The following DNMBP variants were observed in gnomAD, a reference collection of about 807,000 sequenced individuals.
DNMBP encodes the protein dynamin-binding protein.
A neutral mutation model predicts 150.0 loss-of-function variants in DNMBP; 87 were observed. The observed-to-expected ratio is 0.58, with a 90% CI of 0.49 to 0.69. The LOEUF (loss-of-function observed/expected upper bound fraction) is 0.69. DNMBP is among the 30% of genes least tolerant of loss of function. The pLI is 0.00. For synonymous variants in DNMBP, 711 were observed against 750.4 expected, an observed-to-expected ratio of 0.95 and a Z score of 0.86; for missense variants, 1,774 against 1,949.0, an observed-to-expected ratio of 0.91 and a Z score of 1.69.
Position 99,956,319 on chromosome 10 carries a change from C to T in DNMBP, c.1155G>A (p.Pro385=), listed in dbSNP as rs61751505. The T allele has an allele frequency of 1.1e-3, 1,782 of 1,613,872 alleles. 4 individuals are homozygous for T. Among genetic ancestry groups the T allele is most frequent in the Middle Eastern group, 2.5e-3 (15 of 6,058 alleles). ...YQDEDTAGGP[P]RSPGVEWEMP... is the part of the protein sequence containing the mutation. ...TTTCCCACTCCACGCCTGGGCTTCTCGGGGGCCCTCCTGCGGTGTCCTCGT... is the reference window on the plus strand; with the variant it reads ...TTTCCCACTCCACGCCTGGGCTTCTTGGGGGCCCTCCTGCGGTGTCCTCGT... Residue 385 remains proline, a synonymous_variant, in exon 4 of 17, where the codon CCG becomes CCA. Coordinates refer to ENST00000324109, the MANE Select transcript of DNMBP (RefSeq NM_015221.4).
chr10:99,968,471 G>C (rs2040642583), intron 3 of DNMBP, among the ~76,000 whole-genome samples: 1 of 152,096 alleles, frequency 6.6e-6, no homozygotes, highest in Non-Finnish European at 1.5e-5. Flanking sequence ...CAGATTGTTT[G>C]AGCCTAGGAG....
At chr10:99,998,295 C>T (rs1239018497) in intron 1 of DNMBP, among the ~76,000 whole-genome samples, 7 of 149,404 alleles carry the variant, frequency 4.7e-5, no homozygotes, top group African/African-American at 7.4e-5. Context: ...AACACATTAA[C>T]GGCCGGGCGC....
chr10:99,903,430 T>C (rs868799216), intron 6 of DNMBP, among the ~76,000 whole-genome samples: 3 of 151,994 alleles, frequency 2.0e-5, no homozygotes, highest in East Asian at 3.9e-4. Context: ...CCTCCTGAGC[T>C]CAAGCAATTC....
rs114927649 is a variant in DNMBP at position 99,908,090 on chromosome 10, G to A, written c.2459C>T (p.Pro820Leu). 3.1e-3 allele frequency: 4,917 copies of A among 1,610,134 alleles called. 26 individuals are homozygous for A. Among genetic ancestry groups the A allele is most frequent in the South Asian group, 0.013 (1,193 of 90,938 alleles). ...IMVPMQQAQV[P>L]NIDFEGLFGN... ...AAAAAGTCCCTCAAAATCAATGTTT[G>A]GTACCTGAGAAAAGGAAACAAAACA... Residue 820 changes from proline to leucine, a missense_variant, in exon 6 of 17, where the codon CCA becomes CTA. Pro to Leu is a moderately conservative substitution (Grantham distance 98). This residue lies in a region of DNMBP where 1,430 missense variants were observed against 1,492.5 expected (regional missense o/e 0.96). Transcript: ENST00000324109.
At chr10:100,002,425 G>A (rs1268808372) in intron 1 of DNMBP, among the ~76,000 whole-genome samples, 6 of 152,164 alleles carry the variant, frequency 3.9e-5, no homozygotes, top group African/African-American at 1.4e-4. Context: ...CTACTGACGA[G>A]CCACCTCAAT....
chr10:99,938,154 T>C (rs141484864), intron 4 of DNMBP, among the ~76,000 whole-genome samples: 5 of 152,284 alleles, frequency 3.3e-5, no homozygotes, highest in East Asian at 3.9e-4. Flanking sequence ...CTTGATATCT[T>C]TGATAAAGCT....
chr10:99,897,972 C>A, intron 9 of DNMBP, 114 bp downstream of exon 9: 1 of 793,042 alleles, frequency 1.3e-6, no homozygotes. Flanking sequence ...TTCATCACAG[C>A]CCTATTATAC....
intron 4 of DNMBP, among the ~76,000 whole-genome samples, chr10:99,921,890 A>G (rs983299821): frequency 1.3e-5 from 2 of 148,406 alleles, no homozygotes; most frequent in East Asian, 2.0e-4. Flanking sequence ...AAAAAAAAAA[A>G]GCAGCAACTA....
At chr10:99,990,854 T>TATATATATACACACACACACACAC (rs2040882558) in intron 1 of DNMBP, among the ~76,000 whole-genome samples, 1 of 11,592 alleles carries the variant, frequency 8.6e-5, no homozygotes, top group Non-Finnish European at 5.1e-4. Context: ...CACACACACA[T>TATATATATACACACACACACACAC]ATATATATAT....
At chr10:99,996,477 A>G (rs2040952753) in intron 1 of DNMBP, among the ~76,000 whole-genome samples, 1 of 152,302 alleles carries the variant, frequency 6.6e-6, no homozygotes, top group South Asian at 2.1e-4. Context: ...CCGAAATCGC[A>G]CCACTGCAAT....
At chr10:99,933,991 G>A (rs1007851922) in intron 4 of DNMBP, among the ~76,000 whole-genome samples, 3 of 152,264 alleles carry the variant, frequency 2.0e-5, no homozygotes, top group Non-Finnish European at 2.9e-5. Context: ...CTGCCTCGGC[G>A]TCCCAAAGTG....
In DNMBP at chr10:99,962,995, CAT is replaced by C. The variant is rs543835980; in HGVS notation, c.269-5792_269-5791del. 7.9e-4 allele frequency among the ~76,000 whole-genome samples: 120 copies of C among 152,318 alleles called. 3 individuals carry two copies. The South Asian group carries it at 0.022, about 28-fold the overall frequency. On this transcript the variant is annotated intron_variant, in intron 3 of 16. Transcript: ENST00000324109. ...CACAGTAAAGGTGAATCTTGAAAAA[CAT>C]ACACAATTTAGAACCTGGAAAGTAC...
chr10:99,907,651 C>T (rs1201290561), intron 6 of DNMBP, among the ~76,000 whole-genome samples: 1 of 152,104 alleles, frequency 6.6e-6, no homozygotes, highest in Non-Finnish European at 1.5e-5. Context: ...TTGCCATGGC[C>T]TCCCAAAGTG....
intron 3 of DNMBP, among the ~76,000 whole-genome samples, chr10:99,968,132 T>A (rs1221000257): frequency 6.6e-6 from 1 of 152,102 alleles, no homozygotes; most frequent in Non-Finnish European, 1.5e-5. Context: ...GCCTCCTGAG[T>A]TGTTAGGACT....
intron 1 of DNMBP, among the ~76,000 whole-genome samples, chr10:99,972,760 A>AC (rs1247035041): frequency 3.9e-5 from 6 of 152,084 alleles, no homozygotes; most frequent in Non-Finnish European, 1.5e-5. Context: ...ACAGGCGCAC[A>AC]CCACTGTGCC....
chr10:99,939,477 A>G (rs2040270346), intron 4 of DNMBP, among the ~76,000 whole-genome samples: 1 of 152,272 alleles, frequency 6.6e-6, no homozygotes, highest in South Asian at 2.1e-4. Context: ...GAAAATTACA[A>G]CAATGAAAGA....
At chr10:99,893,035 T>C (rs967948869) in intron 11 of DNMBP, among the ~76,000 whole-genome samples, 3 of 152,198 alleles carry the variant, frequency 2.0e-5, no homozygotes, top group Non-Finnish European at 4.4e-5. Context: ...AAAAATATAA[T>C]GATATAGACA....
chr10:99,914,177 TG>T (rs1320350738), intron 4 of DNMBP: 2 of 1,230,660 alleles, frequency 1.6e-6, no homozygotes, highest in Non-Finnish European at 2.1e-6. Flanking sequence ...CTAAGCGTAC[TG>T]GACTGAGAAG....
At chr10:99,994,627 T>C (rs772663800) in intron 1 of DNMBP, among the ~76,000 whole-genome samples, 5 of 152,160 alleles carry the variant, frequency 3.3e-5, no homozygotes, top group Non-Finnish European at 7.4e-5. Flanking sequence ...CCCACAAGGA[T>C]TTGGCAGAAG....
Sources: allele counts gnomAD v4.1 joint callset (sites outside exome capture counted in the v4.1 genomes callset), GRCh38; gene constraint gnomAD v4.1.1; regional missense constraint gnomAD v4.1.1; transcripts MANE v1.5; gene names NCBI Gene and HGNC (gene_info 2026-07-23, HGNC 2026-07-21).